Variants in FSTL5 observed in about 807,000 individuals in gnomAD.
FSTL5 encodes the protein follistatin like 5.
A neutral mutation model predicts 89.1 loss-of-function variants in FSTL5; 62 were observed. The observed-to-expected ratio is 0.70, with a 90% CI of 0.57 to 0.86. The LOEUF is 0.86. FSTL5 is among the 40% of genes least tolerant of loss of function. The pLI is 0.00. For synonymous variants in FSTL5, 383 were observed against 346.2 expected (o/e 1.11, Z -1.18); for missense variants, 1,057 against 1,001.6 (o/e 1.06, Z -0.75).
intron 6 of FSTL5, among the ~76,000 whole-genome samples, chr4:161,753,507 C>A (rs1451378209): frequency 6.6e-6 from 1 of 152,178 alleles, no homozygotes; most frequent in Non-Finnish European, 1.5e-5. Context: ...GCCCCGTCAT[C>A]ACTTTTAGCC....
At chr4:161,773,429 C>A (rs956558294) in intron 5 of FSTL5, among the ~76,000 whole-genome samples, 1 of 152,080 alleles carries the variant, frequency 6.6e-6, no homozygotes, top group African/African-American at 2.4e-5. Flanking sequence ...GGGAGAAAAT[C>A]TTTGCAATCT....
At chr4:161,931,186 G>T (rs1322357148) in intron 3 of FSTL5, among the ~76,000 whole-genome samples, 1 of 151,830 alleles carries the variant, frequency 6.6e-6, no homozygotes, top group Non-Finnish European at 1.5e-5. Context: ...TAGAGAATTA[G>T]GGAGAAGATG....
chr4:161,550,693 A>C (rs1281475932), intron 8 of FSTL5, among the ~76,000 whole-genome samples: 1 of 151,866 alleles, frequency 6.6e-6, no homozygotes, highest in Non-Finnish European at 1.5e-5. Context: ...CTAACTCGTC[A>C]TCTAGCATTA....
At chr4:161,541,867 T>C (rs1731829536) in intron 9 of FSTL5, among the ~76,000 whole-genome samples, 1 of 152,036 alleles carries the variant, frequency 6.6e-6, no homozygotes, top group East Asian at 1.9e-4. Flanking sequence ...ATTAATATAT[T>C]ATATGCAACT....
chr4:161,972,621 A>G (rs977467954), intron 3 of FSTL5, among the ~76,000 whole-genome samples: 4 of 152,056 alleles, frequency 2.6e-5, no homozygotes, highest in African/African-American at 9.7e-5. Flanking sequence ...TCAATAACCA[A>G]CTGAGCCAGT....
chr4:161,563,880 C>T (rs80347881), intron 8 of FSTL5, among the ~76,000 whole-genome samples: 3,439 of 151,854 alleles, frequency 0.023, 134 homozygotes, highest in African/African-American at 0.078. Flanking sequence ...TAAGTAGTAG[C>T]GCCTTACTAC....
At chr4:161,900,461 A>T (rs1349499645) in intron 4 of FSTL5, among the ~76,000 whole-genome samples, 1 of 150,850 alleles carries the variant, frequency 6.6e-6, no homozygotes, top group East Asian at 2.0e-4. Flanking sequence ...CAACATGGTG[A>T]AACACTGCCT....
intron 4 of FSTL5, among the ~76,000 whole-genome samples, chr4:161,777,184 C>A (rs1262613841): frequency 6.6e-6 from 1 of 150,972 alleles, no homozygotes; most frequent in Non-Finnish European, 1.5e-5. Context: ...CCAGTTCCAG[C>A]ATGTTGTTGA....
intron 4 of FSTL5, among the ~76,000 whole-genome samples, chr4:161,917,018 G>A (rs746121909): frequency 3.3e-5 from 5 of 152,124 alleles, no homozygotes; most frequent in Admixed American, 6.5e-5. Flanking sequence ...TGCAATCTCC[G>A]TTCACTGCAA....
intron 3 of FSTL5, among the ~76,000 whole-genome samples, chr4:161,947,739 A>C (rs984639753): frequency 3.9e-5 from 6 of 152,102 alleles, no homozygotes. Flanking sequence ...TTTTAGAATC[A>C]TATTGAAAGC....
intron 12 of FSTL5, among the ~76,000 whole-genome samples, chr4:161,498,279 G>T (rs1201622892): frequency 6.6e-6 from 1 of 152,020 alleles, no homozygotes; most frequent in Non-Finnish European, 1.5e-5. Flanking sequence ...TCACATCCTT[G>T]TTGCCCTGAC....
intron 6 of FSTL5, among the ~76,000 whole-genome samples, chr4:161,714,823 T>C (rs374532212): frequency 6.6e-6 from 1 of 152,084 alleles, no homozygotes; most frequent in African/African-American, 2.4e-5. Context: ...AGTAGATTAA[T>C]TGAGATTTTT....
At chr4:161,770,911 A>G (rs1741185292) in intron 5 of FSTL5, among the ~76,000 whole-genome samples, 1 of 152,014 alleles carries the variant, frequency 6.6e-6, no homozygotes, top group East Asian at 1.9e-4. Context: ...TCTAGGAGAG[A>G]ATTCTTAGGA....
At chr4:161,448,805 C>T (rs977306456) in intron 15 of FSTL5, among the ~76,000 whole-genome samples, 14 of 152,266 alleles carry the variant, frequency 9.2e-5, no homozygotes, top group Non-Finnish European at 1.8e-4. Context: ...ACTTATTTCA[C>T]TGTTGAGGAT....
At chr4:161,904,543 A>G (rs1277548153) in intron 4 of FSTL5, among the ~76,000 whole-genome samples, 1 of 152,006 alleles carries the variant, frequency 6.6e-6, no homozygotes, top group Admixed American at 6.5e-5. Context: ...GGAAGTGTAC[A>G]ATTTCCATGA....
At chr4:161,590,164 G>A (rs1369559934) in intron 7 of FSTL5, among the ~76,000 whole-genome samples, 1 of 152,108 alleles carries the variant, frequency 6.6e-6, no homozygotes, top group African/African-American at 2.4e-5. Context: ...ACCCTATAGA[G>A]GAGAGGAAAT....
chr4:161,572,206 C>G (rs923351744), intron 8 of FSTL5, among the ~76,000 whole-genome samples: 4 of 151,196 alleles, frequency 2.6e-5, no homozygotes, highest in Non-Finnish European at 5.9e-5. Context: ...GTAATCCCAG[C>G]TACTTGGGAG....
chr4:161,422,927 C>G (rs1732039243), intron 15 of FSTL5, among the ~76,000 whole-genome samples: 1 of 152,158 alleles, frequency 6.6e-6, no homozygotes, highest in Non-Finnish European at 1.5e-5. Context: ...ACACTTATTA[C>G]CTAGTACCTG....
intron 6 of FSTL5, among the ~76,000 whole-genome samples, chr4:161,659,902 G>T (rs926789134): frequency 2.0e-5 from 3 of 152,034 alleles, no homozygotes; most frequent in Non-Finnish European, 2.9e-5. Context: ...AACTATCTTT[G>T]CAACAAATAG....
Sources: gnomAD v4.1 joint callset for allele counts (sites outside exome capture counted in the v4.1 genomes callset) on GRCh38, gnomAD v4.1.1 for gene constraint, MANE v1.5 for transcripts, NCBI Gene and HGNC (gene_info 2026-07-23, HGNC 2026-07-21) for gene names.